Variants in PRCP observed in about 807,000 individuals in gnomAD.
PRCP encodes prolylcarboxypeptidase.
Under a neutral mutation model 54.2 loss-of-function variants are expected in PRCP, and 46 were observed. The ratio of observed to expected loss-of-function variants is 0.85; its 90% CI spans 0.67 to 1.09. PRCP has a LOEUF of 1.09. Among genes scored for constraint, PRCP ranks in the 50% least tolerant of loss-of-function variants. PRCP has a pLI of 0.00. For missense variants in PRCP, 613 were observed against 596.8 expected, an observed-to-expected ratio of 1.03 and a Z score of -0.28; for synonymous variants, 240 against 212.2, an observed-to-expected ratio of 1.13 and a Z score of -1.14.
At chr11:82,883,141 C>T (rs1045506417) in intron 1 of PRCP, among the ~76,000 whole-genome samples, 3 of 152,198 alleles carry the variant, frequency 2.0e-5, no homozygotes, top group Admixed American at 6.5e-5. Flanking sequence ...AGGCTGCTCA[C>T]AGTCTAACAG....
At chr11:82,870,807 G>A (rs1189933321) in intron 1 of PRCP, among the ~76,000 whole-genome samples, 2 of 152,134 alleles carry the variant, frequency 1.3e-5, no homozygotes, top group African/African-American at 4.8e-5. Context: ...GATAAAACTA[G>A]GATGAGAATG....
chr11:82,830,627 CAAAAAAAAAAAAAA>C (rs35851740), intron 8 of PRCP: 1 of 18,648 alleles, frequency 5.4e-5, no homozygotes, highest in African/African-American at 2.0e-4. Flanking sequence ...GACTCCATCT[CAAAAAAAAAAAAAA>C]AAAAAAAAAA....
rs772587099 is a variant in PRCP, at chr11:82,824,600, A to C, written c.*306T>G. On this transcript the variant is annotated 3_prime_UTR_variant, in exon 9 of 9. Coordinates refer to ENST00000313010, the MANE Select transcript of PRCP (RefSeq NM_005040.4). ...AGAAATCTCTGCTTGCAGAGATACA[A>C]AGAAAGTAACTCTCCCTCTTATGAA... 7 of 333,028 alleles carry C rather than the reference A, an allele frequency of 2.1e-5. No individual in the cohort carries two copies. The highest frequency in any genetic ancestry group is 3.4e-5 in the Non-Finnish European group (6 of 178,040). The allele number at this position is 333,028 out of a possible 1,614,324, so 20.6% of individuals were successfully genotyped here. A position where few individuals can be genotyped will look rare whatever the true frequency, so the allele number is the denominator to read the frequency against.
chr11:82,883,174 A>G (rs186411450), intron 1 of PRCP, among the ~76,000 whole-genome samples: 3 of 152,304 alleles, frequency 2.0e-5, no homozygotes, highest in African/African-American at 7.2e-5. Context: ...TAAATAAATA[A>G]AGCAATGCGA....
At chr11:82,831,293 T>C (rs563186182) in intron 8 of PRCP, 1 of 152,094 alleles carries the variant, frequency 6.6e-6, no homozygotes, top group South Asian at 2.1e-4. Context: ...AAAAAGCAAC[T>C]GTGGAATAAA....
intron 2 of PRCP, among the ~76,000 whole-genome samples, chr11:82,857,385 C>T (rs1200881537): frequency 1.3e-5 from 2 of 152,202 alleles, no homozygotes; most frequent in African/African-American, 4.8e-5. Flanking sequence ...GTTTAAATAA[C>T]TTTCAACATT....
At chr11:82,843,068 G>C (rs1858713863) in intron 6 of PRCP, 1 of 152,462 alleles carries the variant, frequency 6.6e-6, no homozygotes, top group Admixed American at 6.5e-5. Context: ...CCAGCACTTT[G>C]GGAGGCCCAG....
intron 1 of PRCP, among the ~76,000 whole-genome samples, chr11:82,869,710 T>G (rs1474676022): frequency 6.6e-6 from 1 of 152,248 alleles, no homozygotes; most frequent in Non-Finnish European, 1.5e-5. Context: ...ATCATGGCTC[T>G]GCAGTTGGTA....
chr11:82,843,472 A>G (rs912763024), intron 6 of PRCP, among the ~76,000 whole-genome samples: 2 of 152,242 alleles, frequency 1.3e-5, no homozygotes, highest in African/African-American at 4.8e-5. Flanking sequence ...TTAACCTCAT[A>G]TAATACTTTA....
chr11:82,845,092 G>C (rs1441626343), intron 6 of PRCP, among the ~76,000 whole-genome samples: 1 of 148,640 alleles, frequency 6.7e-6, no homozygotes, highest in Admixed American at 6.7e-5. Flanking sequence ...CTAGAATAAA[G>C]ATGAACATTC....
intron 1 of PRCP, among the ~76,000 whole-genome samples, chr11:82,881,928 C>A (rs1451390343): frequency 6.6e-6 from 1 of 152,062 alleles, no homozygotes; most frequent in Non-Finnish European, 1.5e-5. Context: ...TGACCAGAAG[C>A]CTTACTGATA....
chr11:82,858,519 T>A (rs1384053147), intron 2 of PRCP: 1 of 152,174 alleles, frequency 6.6e-6, no homozygotes, highest in Non-Finnish European at 1.5e-5. Context: ...ACACTGAATA[T>A]CTCTTCCTTT....
intron 8 of PRCP, among the ~76,000 whole-genome samples, chr11:82,832,788 C>T (rs745720334): frequency 6.6e-6 from 1 of 152,114 alleles, no homozygotes; most frequent in African/African-American, 2.4e-5. Context: ...CATGTCTATG[C>T]TTGGACACCT....
At chr11:82,869,687 A>AATGC (rs1462692600) in intron 1 of PRCP, among the ~76,000 whole-genome samples, 2 of 152,230 alleles carry the variant, frequency 1.3e-5, no homozygotes, top group Non-Finnish European at 2.9e-5. Context: ...AGAGTAAATG[A>AATGC]ATGCATGCAT....
At chr11:82,839,799 A>C (rs777127497) in intron 6 of PRCP, 23 of 218,526 alleles carry the variant, frequency 1.1e-4, no homozygotes, top group Non-Finnish European at 1.6e-4. Context: ...CCACTCCACT[A>C]ATGCCTTTGA....
At chr11:82,861,861 T>C (rs908189570) in intron 1 of PRCP, among the ~76,000 whole-genome samples, 2 of 152,172 alleles carry the variant, frequency 1.3e-5, no homozygotes, top group African/African-American at 4.8e-5. Context: ...TACACAATGA[T>C]GTAGGGACAA....
Position 82,850,386 on chromosome 11 carries a change from T to G in PRCP, c.531A>C (p.Gly177=), listed in dbSNP as rs750322030. ...CGGCAAGCATGCCACCATAGGAGCCTCCTATGGCAATGACAGGTTGATTTT... is the reference window on the plus strand; with the variant it reads ...CGGCAAGCATGCCACCATAGGAGCCGCCTATGGCAATGACAGGTTGATTTT... ...GAENQPVIAI[G]GSYGGMLAAW... is the part of the protein sequence containing the mutation. The change falls in exon 4 of 9, where the codon GGA becomes GGC. Residue 177 remains glycine, a synonymous_variant. Transcript: ENST00000313010. The G allele has an allele frequency of 3.1e-6, 5 of 1,600,814 alleles. No individual in the cohort carries two copies. The Admixed American group carries it at 6.8e-5, about 22-fold the overall frequency.
At chr11:82,893,674 T>G (rs916668395) in intron 1 of PRCP, among the ~76,000 whole-genome samples, 2 of 152,118 alleles carry the variant, frequency 1.3e-5, no homozygotes, top group Non-Finnish European at 2.9e-5. Context: ...ACACCTGTAG[T>G]CCCAGCTACC....
intron 6 of PRCP, chr11:82,839,858 C>G (rs1395758905): frequency 5.4e-6 from 1 of 184,756 alleles, no homozygotes; most frequent in East Asian, 1.8e-4. Context: ...ACCTCCTCTT[C>G]AAGGCCATCC....
Sources: allele counts gnomAD v4.1 joint callset (sites outside exome capture counted in the v4.1 genomes callset), GRCh38; gene constraint gnomAD v4.1.1; transcripts MANE v1.5; gene names NCBI Gene and HGNC (gene_info 2026-07-23, HGNC 2026-07-21).